Variants in ANKRD42 observed in about 807,000 individuals in gnomAD.
ANKRD42 encodes ankyrin repeat domain-containing protein 42.
Under a neutral mutation model 51.5 loss-of-function variants are expected in ANKRD42, and 43 were observed. The observed-to-expected ratio is 0.83, with a 90% CI of 0.65 to 1.08. The LOEUF is 1.08. ANKRD42 is among the 50% of genes least tolerant of loss of function. The pLI, the probability that ANKRD42 is intolerant of heterozygous loss-of-function variation, is 0.00. For missense variants in ANKRD42, 608 were observed against 629.3 expected, an observed-to-expected ratio of 0.97 and a Z score of 0.36; for synonymous variants, 203 against 213.0, an observed-to-expected ratio of 0.95 and a Z score of 0.41.
chr11:83,206,223 A>G (rs1284179308), intron 3 of ANKRD42, 58 bp downstream of exon 3: 1 of 1,329,656 alleles, frequency 7.5e-7, no homozygotes, highest in South Asian at 1.2e-5. Context: ...CTGTTGGGAT[A>G]TTGCTATTAT....
chr11:83,243,967 CT>C (rs66756456), intron 9 of ANKRD42, among the ~76,000 whole-genome samples: 911 of 66,772 alleles, frequency 0.014, 7 homozygotes, highest in African/African-American at 0.054. Context: ...CCTGGCTGCC[CT>C]TTTTTTTTTT....
intron 8 of ANKRD42, among the ~76,000 whole-genome samples, chr11:83,237,111 T>A (rs1477574537): frequency 1.3e-5 from 2 of 152,214 alleles, no homozygotes; most frequent in Non-Finnish European, 2.9e-5. Context: ...ATGTTCCAAG[T>A]TCTGTGATTA....
chr11:83,201,521 A>T (rs939574536), intron 2 of ANKRD42, among the ~76,000 whole-genome samples: 2 of 152,184 alleles, frequency 1.3e-5, no homozygotes, highest in East Asian at 1.9e-4. Context: ...GTAATATATG[A>T]CCAGGATTGC....
intron 2 of ANKRD42, 93 bp from the exon 3 acceptor site, chr11:83,205,965 C>A: frequency 9.9e-7 from 1 of 1,005,814 alleles, no homozygotes; most frequent in Non-Finnish European, 1.5e-6. Context: ...TCATTCACTA[C>A]AGTCTGCTAT....
chr11:83,228,182 A>T (rs1413963835), intron 7 of ANKRD42, among the ~76,000 whole-genome samples: 2 of 147,196 alleles, frequency 1.4e-5, no homozygotes, highest in African/African-American at 2.5e-5. Flanking sequence ...TAACATTTTT[A>T]AAATGACCTA....
At chr11:83,236,868 C>T (rs1863240523) in intron 8 of ANKRD42, among the ~76,000 whole-genome samples, 1 of 152,118 alleles carries the variant, frequency 6.6e-6, no homozygotes, top group Admixed American at 6.5e-5. Context: ...CATCCAAATG[C>T]CTGTAGCATT....
intron 9 of ANKRD42, among the ~76,000 whole-genome samples, chr11:83,241,998 T>G (rs1863400884): frequency 6.6e-6 from 1 of 152,198 alleles, no homozygotes; most frequent in Non-Finnish European, 1.5e-5. Flanking sequence ...AGAGCAGACG[T>G]AGAATATCTG....
chr11:83,236,277 C>A lies in ANKRD42; in HGVS notation c.914-127C>A, dbSNP rs185603581. Reference sequence around the variant, plus strand: ...TAATATTTGCCCAATGTACTTTTGCCAGTTACTGCAAGGATCAATACTTAA... The same window carrying A: ...TAATATTTGCCCAATGTACTTTTGCAAGTTACTGCAAGGATCAATACTTAA... On this transcript the variant is annotated intron_variant, in intron 7 of 10. Transcript: ENST00000533342. The A allele has an allele frequency of 1.5e-4, 86 of 558,112 alleles. 1 individual carries two copies. The highest frequency in any genetic ancestry group is 1.5e-3 in the African/African-American group (80 of 52,084). The allele number at this position is 558,112 out of a possible 1,614,324, so 34.6% of individuals were successfully genotyped here. A position where few individuals can be genotyped will look rare whatever the true frequency, so the allele number is the denominator to read the frequency against.
intron 1 of ANKRD42, among the ~76,000 whole-genome samples, chr11:83,196,901 C>A (rs1861679481): frequency 6.6e-6 from 1 of 152,042 alleles, no homozygotes; most frequent in South Asian, 2.1e-4. Flanking sequence ...CAACCAGTGG[C>A]AGTTTAGAGT....
chr11:83,218,273 G>C lies in ANKRD42; in HGVS notation c.587-6582G>C, dbSNP rs559825489. Among the ~76,000 whole-genome samples the C allele has an allele frequency of 1.2e-4, 18 of 152,314 alleles. No homozygotes were observed. In the East Asian group the frequency reaches 3.3e-3, roughly 28 times the overall value. On this transcript the variant is annotated intron_variant, in intron 5 of 10. Transcript: ENST00000533342. The stretch of plus-strand genomic sequence containing the variant: ...AAATGCCTGTGGCTCTAATCTCCAT[G>C]ATTTGAGTCAGTATCCTAATGAGGG...
intron 7 of ANKRD42, among the ~76,000 whole-genome samples, chr11:83,235,402 T>C (rs1010563459): frequency 6.6e-6 from 1 of 152,224 alleles, no homozygotes; most frequent in Non-Finnish European, 1.5e-5. Context: ...AGCAGTGTGC[T>C]TTGCTTATAA....
chr11:83,249,103 C>A, downstream of ANKRD42: 1 of 581,154 alleles, frequency 1.7e-6, no homozygotes, highest in Non-Finnish European at 2.2e-6. Context: ...CCATTTATAA[C>A]TCACTGCTTC....
In ANKRD42 at chr11:83,228,269, T is replaced by A. The variant is rs867406413; in HGVS notation, c.913+397T>A. ...TTTTTTTTTTTTTTTTTTTTTTTTTTAGACCGGGTCTGGTTCTGTCACCCA... is the reference window on the plus strand; with the variant it reads ...TTTTTTTTTTTTTTTTTTTTTTTTTAAGACCGGGTCTGGTTCTGTCACCCA... On this transcript the variant is annotated intron_variant, in intron 7 of 10. Transcript: ENST00000533342. Among the ~76,000 whole-genome samples, 355 of 104,356 alleles carry A rather than the reference T, an allele frequency of 3.4e-3. 8 individuals carry two copies. The highest frequency in any genetic ancestry group is 0.012 in the African/African-American group (322 of 25,922). 68.5% of individuals were successfully genotyped at this position (104,356 alleles called of 152,430 possible). A position where few individuals can be genotyped will look rare whatever the true frequency, so the allele number is the denominator to read the frequency against.
chr11:83,264,208 G>A (rs1864106798), downstream of ANKRD42, among the ~76,000 whole-genome samples: 1 of 152,034 alleles, frequency 6.6e-6, no homozygotes, highest in Admixed American at 6.5e-5. Flanking sequence ...ATAAAGGACT[G>A]GATACATAAA....
chr11:83,230,685 C>G (rs933835018), intron 7 of ANKRD42, among the ~76,000 whole-genome samples: 1 of 152,032 alleles, frequency 6.6e-6, no homozygotes, highest in Non-Finnish European at 1.5e-5. Context: ...CTCCTGGGTT[C>G]AAGCGATTCT....
chr11:83,243,830 T>C (rs180985148), intron 9 of ANKRD42, among the ~76,000 whole-genome samples: 86 of 151,504 alleles, frequency 5.7e-4, no homozygotes, highest in African/African-American at 2.0e-3. Context: ...CCTGGCTAAT[T>C]TTGTTTTGTA....
At position 83,194,236 on chromosome 11, in the gene ANKRD42, A is replaced by G. The variant is rs1353499096; in HGVS notation, c.-435A>G. The G allele has an allele frequency of 1.3e-5, 6 of 463,050 alleles. No individual in the cohort carries two copies. The highest frequency in any genetic ancestry group is 2.2e-5 in the Non-Finnish European group (5 of 231,488). The allele number at this position is 463,050 out of a possible 1,614,324, so 28.7% of individuals were successfully genotyped here. On this transcript the variant is annotated 5_prime_UTR_variant, in exon 1 of 11. Transcript: ENST00000533342. ...CAGAGAAGACCGAGGCCTCCGCCTC[A>G]GTGGTCCTTGGGAGGGAGTCAGTGA...
At chr11:83,195,780 A>AT (rs1861623211) in intron 1 of ANKRD42, among the ~76,000 whole-genome samples, 1 of 146,370 alleles carries the variant, frequency 6.8e-6, no homozygotes, top group Non-Finnish European at 1.5e-5. Context: ...TCAGAGTCTC[A>AT]TTTTTTCTGG....
chr11:83,250,820 C>T (rs1863661129), downstream of ANKRD42, among the ~76,000 whole-genome samples: 1 of 152,170 alleles, frequency 6.6e-6, no homozygotes, highest in Non-Finnish European at 1.5e-5. Flanking sequence ...TCCTTTAGAT[C>T]ATACAAAAAG....
Sources: gnomAD v4.1 joint callset for allele counts (sites outside exome capture counted in the v4.1 genomes callset) on GRCh38, gnomAD v4.1.1 for gene constraint, MANE v1.5 for transcripts, NCBI Gene and HGNC (gene_info 2026-07-23, HGNC 2026-07-21) for gene names.